Variants in ATP11B observed in about 807,000 individuals in gnomAD.
ATP11B encodes phospholipid-transporting ATPase IF.
Under a neutral mutation model 157.8 loss-of-function variants are expected in ATP11B, and 81 were observed. That is an observed-to-expected ratio of 0.51 (90% confidence interval 0.43 to 0.62). ATP11B has a LOEUF of 0.62. Ranked by LOEUF, ATP11B falls within the 20% of genes least tolerant of loss-of-function variation. The probability of loss-of-function intolerance (pLI) is 0.00; values close to 1 mark genes in which losing one functional copy is unlikely to be tolerated. For synonymous variants in ATP11B, 451 were observed against 469.4 expected (o/e 0.96, Z 0.51); for missense variants, 1,165 against 1,402.2 (o/e 0.83, Z 2.70).
intron 10 of ATP11B, among the ~76,000 whole-genome samples, chr3:182,849,633 G>T (rs1719810002): frequency 6.6e-6 from 1 of 152,142 alleles, no homozygotes; most frequent in African/African-American, 2.4e-5. Context: ...AACATCATTA[G>T]GTGGGTCTCA....
intron 29 of ATP11B, chr3:182,914,644 T>A (rs1444740604): frequency 1.0e-6 from 1 of 985,440 alleles, no homozygotes; most frequent in East Asian, 1.1e-4. Context: ...ATCTTAGCAT[T>A]TTTGTCCCCT....
intron 28 of ATP11B, chr3:182,905,989 A>G: frequency 2.6e-6 from 1 of 388,842 alleles, no homozygotes; most frequent in South Asian, 1.8e-5. Flanking sequence ...ATGTCATGGG[A>G]CACCTGACCT....
chr3:182,836,516 C>G (rs1718566956), intron 6 of ATP11B, 46 bp downstream of exon 6: 1 of 1,610,728 alleles, frequency 6.2e-7, no homozygotes, highest in African/African-American at 1.3e-5. Flanking sequence ...AACAAAGTGT[C>G]TTTGGATTAT....
intron 26 of ATP11B, 48 bp downstream of exon 26, chr3:182,896,813 A>C: frequency 7.2e-7 from 1 of 1,384,040 alleles, no homozygotes; most frequent in African/African-American, 1.4e-5. Context: ...AACTGTTTAC[A>C]TAGTTAGTTA....
intron 3 of ATP11B, among the ~76,000 whole-genome samples, chr3:182,828,493 G>T (rs1717879285): frequency 6.6e-6 from 1 of 151,942 alleles, no homozygotes; most frequent in Non-Finnish European, 1.5e-5. Flanking sequence ...ATATCTTTCA[G>T]ATATTCTGCC....
chr3:182,880,741 C>A, intron 20 of ATP11B, 138 bp from the exon 21 acceptor site: 1 of 426,384 alleles, frequency 2.3e-6, no homozygotes, highest in South Asian at 9.0e-5. Flanking sequence ...AAAAAATGAA[C>A]CTGCATATTA....
At chr3:182,888,019 T>C (rs1722914830) in intron 24 of ATP11B, among the ~76,000 whole-genome samples, 1 of 152,216 alleles carries the variant, frequency 6.6e-6, no homozygotes, top group Non-Finnish European at 1.5e-5. Flanking sequence ...TTATTCATAA[T>C]TGGTAGTCTC....
intron 19 of ATP11B, among the ~76,000 whole-genome samples, chr3:182,876,754 C>G (rs1577063734): frequency 6.6e-6 from 1 of 152,204 alleles, no homozygotes; most frequent in East Asian, 1.9e-4. Flanking sequence ...TTCATGAAGG[C>G]AAAGCCATTA....
chr3:182,902,941 G>T lies in ATP11B; in HGVS notation c.3318+4169G>T, dbSNP rs1577104840. Among the ~76,000 whole-genome samples, 5 of 152,004 alleles carry T rather than the reference G, an allele frequency of 3.3e-5. 1 individual carries two copies. The highest frequency in any genetic ancestry group is 3.3e-4 in the Admixed American group (5 of 15,286). ...AGCTACATATTTGGAAGTGAGAGTT[G>T]CCCATTTTTTTTATCTTGCCTTAAT... On this transcript the variant is annotated intron_variant, in intron 28 of 29. Coordinates refer to ENST00000323116, the MANE Select transcript of ATP11B (RefSeq NM_014616.3).
intron 1 of ATP11B, among the ~76,000 whole-genome samples, chr3:182,813,849 TC>T (rs1365216139): frequency 1.3e-5 from 2 of 152,006 alleles, no homozygotes; most frequent in African/African-American, 4.8e-5. Flanking sequence ...TGCGTCAGCC[TC>T]CCGAGTAGCT....
In ATP11B at chr3:182,918,575, TG is replaced by T; in HGVS notation, c.*474del. On this transcript the variant is annotated 3_prime_UTR_variant, in exon 30 of 30. Transcript: ENST00000323116. ...TTAGAGTTATATTTAAAGCTTTTCA[TG>T]GGAAAAGTTAATGTGAATACTGAGG... 2.6e-6 allele frequency: 1 copy of T among 387,142 alleles called. No individual in the cohort carries two copies. The highest frequency in any genetic ancestry group is 4.6e-6 in the Non-Finnish European group (1 of 219,028). 24.0% of individuals were successfully genotyped at this position (387,142 alleles called of 1,614,324 possible). A position where few individuals can be genotyped will look rare whatever the true frequency, so the allele number is the denominator to read the frequency against.
intron 13 of ATP11B, among the ~76,000 whole-genome samples, chr3:182,865,908 CTCTTTG>C (rs1721196393): frequency 6.9e-6 from 1 of 144,640 alleles, no homozygotes; most frequent in African/African-American, 2.5e-5. Context: ...TCTGCCTTAG[CTCTTTG>C]AGTATTTAAA....
intron 15 of ATP11B, among the ~76,000 whole-genome samples, chr3:182,867,711 G>A (rs2108544457): frequency 6.6e-6 from 1 of 151,252 alleles, no homozygotes; most frequent in Admixed American, 6.6e-5. Context: ...AGCCTCCCAG[G>A]TAGCTGGGAT....
intron 13 of ATP11B, 37 bp from the exon 14 acceptor site, chr3:182,866,231 G>A: frequency 6.9e-7 from 1 of 1,452,310 alleles, no homozygotes; most frequent in Non-Finnish European, 9.3e-7. Flanking sequence ...ATGTGGAAAT[G>A]ATATTTTTAT....
In ATP11B at chr3:182,859,282, G is replaced by A. The variant is rs1005815680; in HGVS notation, c.1123G>A (p.Asp375Asn). 5.0e-6 allele frequency: 8 copies of A among 1,611,436 alleles called. No homozygotes were observed. The highest frequency in any genetic ancestry group is 1.3e-5 in the African/African-American group (1 of 74,848). The change falls in exon 12 of 30, where the codon GAT becomes AAT. Residue 375 changes from aspartate (D) to asparagine (N), a missense_variant. Asp to Asn is a conservative substitution (Grantham distance 23, BLOSUM62 1). This residue lies in a region of ATP11B where 737 missense variants were observed against 930.5 expected (regional missense o/e 0.79). Transcript: ENST00000323116. Reference protein sequence around the residue: ...KFLGSFFIGWDLDLYHEESDQ... With the variant: ...KFLGSFFIGWNLDLYHEESDQ... ...TCTTGGATCATTTTTTATTGGCTGG[G>A]ATCTTGATCTGTATCATGAAGAATC... is the stretch of plus-strand genomic sequence containing the variant.
At chr3:182,888,024 A>T (rs988644737) in intron 24 of ATP11B, among the ~76,000 whole-genome samples, 1 of 152,188 alleles carries the variant, frequency 6.6e-6, no homozygotes, top group African/African-American at 2.4e-5. Flanking sequence ...CATAATTGGT[A>T]GTCTCTAGAA....
intron 10 of ATP11B, among the ~76,000 whole-genome samples, chr3:182,855,320 C>T (rs73883917): frequency 0.014 from 2,120 of 152,158 alleles, 47 homozygotes; most frequent in African/African-American, 0.05. Context: ...TCTTTTTCAA[C>T]AAATGGTGCT....
chr3:182,868,446 G>A (rs983872706), intron 15 of ATP11B, among the ~76,000 whole-genome samples: 1 of 151,290 alleles, frequency 6.6e-6, no homozygotes. Context: ...TCTTGGAGAT[G>A]TGTAAAGATT....
At chr3:182,803,340 A>G (rs1309536839) in intron 1 of ATP11B, among the ~76,000 whole-genome samples, 1 of 152,152 alleles carries the variant, frequency 6.6e-6, no homozygotes, top group African/African-American at 2.4e-5. Context: ...TTTCATTCAC[A>G]TGAATAGATT....
Sources: allele counts gnomAD v4.1 joint callset (sites outside exome capture counted in the v4.1 genomes callset), GRCh38; gene constraint gnomAD v4.1.1; regional missense constraint gnomAD v4.1.1; transcripts MANE v1.5; gene names NCBI Gene and HGNC (gene_info 2026-07-23, HGNC 2026-07-21).